CEP85L: variants seen among roughly 807,000 people sequenced by gnomAD.
CEP85L encodes the protein centrosomal protein 85L.
In CEP85L, 60 loss-of-function variants were observed where a neutral mutation model predicts 100.3. The ratio of observed to expected loss-of-function variants is 0.60; its 90% CI spans 0.49 to 0.74. CEP85L has a LOEUF of 0.74. CEP85L is among the 30% of genes least tolerant of loss of function. CEP85L has a pLI of 0.00. For synonymous variants in CEP85L, 319 were observed against 322.7 expected, an observed-to-expected ratio of 0.99 and a Z score of 0.12; for missense variants, 973 against 936.2, an observed-to-expected ratio of 1.04 and a Z score of -0.51.
chr6:118,662,444 C>T lies in CEP85L; in HGVS notation c.-27-9636G>A, dbSNP rs539124469. Among the ~76,000 whole-genome samples the T allele has an allele frequency of 3.3e-5, 5 of 151,694 alleles. No homozygotes were observed. In the South Asian group the frequency reaches 6.3e-4, roughly 19 times the overall value. ...ACTCGGGAGGCTGAGGCAGGAGAATCGCTTGAACCCAGGAGGCGGAGGTTG... is the reference window on the plus strand; with the variant it reads ...ACTCGGGAGGCTGAGGCAGGAGAATTGCTTGAACCCAGGAGGCGGAGGTTG... On this transcript the variant is annotated intron_variant, in intron 1 of 13. Coordinates refer to the CEP85L transcript ENST00000368488.
intron 2 of CEP85L, among the ~76,000 whole-genome samples, chr6:118,602,037 G>A (rs1356826802): frequency 1.3e-5 from 2 of 152,060 alleles, no homozygotes; most frequent in East Asian, 1.9e-4. Context: ...AGGTTCACAC[G>A]CCTCTAACAT....
At chr6:118,586,918 T>A (rs754874268) in intron 2 of CEP85L, among the ~76,000 whole-genome samples, 1 of 152,234 alleles carries the variant, frequency 6.6e-6, no homozygotes, top group Non-Finnish European at 1.5e-5. Flanking sequence ...TCTCAATTAC[T>A]ACTGCATTTT....
rs939368732 is a variant in CEP85L, at chr6:118,539,070, C to T, written c.1021-15150G>A. ...CAAATTTACTACACTATATAACCAGCTTCTACTAAAACAAAGCTATAGTAC... is the reference window on the plus strand; with the variant it reads ...CAAATTTACTACACTATATAACCAGTTTCTACTAAAACAAAGCTATAGTAC... On this transcript the variant is annotated intron_variant, in intron 3 of 12. Coordinates refer to ENST00000368491, the MANE Select transcript of CEP85L (RefSeq NM_001042475.3). Among the ~76,000 whole-genome samples, 6 of 152,174 alleles carry T rather than the reference C, an allele frequency of 3.9e-5. No individual in the cohort carries two copies. The East Asian group carries it at 1.2e-3, about 29-fold the overall frequency.
At chr6:118,688,599 C>T (rs1230855891) in intron 1 of CEP85L, among the ~76,000 whole-genome samples, 1 of 152,168 alleles carries the variant, frequency 6.6e-6, no homozygotes. Flanking sequence ...TTCGAATAAA[C>T]CTTTTGCAGT....
chr6:118,610,489 T>C (rs1772536681), intron 2 of CEP85L, among the ~76,000 whole-genome samples: 1 of 152,142 alleles, frequency 6.6e-6, no homozygotes, highest in African/African-American at 2.4e-5. Flanking sequence ...ACTTTCACCA[T>C]CACTGAGTAG....
chr6:118,674,856 T>C (rs1776431481), intron 1 of CEP85L, among the ~76,000 whole-genome samples: 1 of 152,206 alleles, frequency 6.6e-6, no homozygotes, highest in South Asian at 2.1e-4. Flanking sequence ...CATACACTGC[T>C]GGTGGAAATG....
chr6:118,501,774 C>T, intron 5 of CEP85L: 1 of 948,726 alleles, frequency 1.1e-6, no homozygotes, highest in Non-Finnish European at 1.7e-6. Context: ...ACAGAACAGA[C>T]ATCTCACAGA....
chr6:118,609,998 CA>C (rs1307161913), intron 2 of CEP85L, among the ~76,000 whole-genome samples: 2 of 147,538 alleles, frequency 1.4e-5, no homozygotes, highest in Non-Finnish European at 1.5e-5. Flanking sequence ...AAGAGAGACG[CA>C]AAAAAAAATA....
chr6:118,521,747 G>A (rs1183395079), intron 4 of CEP85L, among the ~76,000 whole-genome samples: 5 of 152,090 alleles, frequency 3.3e-5, no homozygotes, highest in Non-Finnish European at 5.9e-5. Context: ...AACATGTGGA[G>A]TAAGACAAGC....
chr6:118,686,684 G>A (rs1300509069), intron 1 of CEP85L, among the ~76,000 whole-genome samples: 1 of 152,190 alleles, frequency 6.6e-6, no homozygotes, highest in Non-Finnish European at 1.5e-5. Context: ...ACACTTGTGT[G>A]TTGAGGTCTT....
chr6:118,610,109 A>C (rs1057122317), intron 2 of CEP85L, among the ~76,000 whole-genome samples: 13 of 152,228 alleles, frequency 8.5e-5, no homozygotes, highest in Admixed American at 2.0e-4. Context: ...TCATCACCAC[A>C]CATAGAGTTA....
At chr6:118,594,442 TAAG>T (rs1230776233) in intron 2 of CEP85L, among the ~76,000 whole-genome samples, 1 of 152,150 alleles carries the variant, frequency 6.6e-6, no homozygotes, top group Non-Finnish European at 1.5e-5. Flanking sequence ...GTTAATTAGA[TAAG>T]AAAATTATCT....
At chr6:118,651,697 C>T (rs1471250196), upstream of CEP85L, 6 of 108,568 alleles carry the variant, frequency 5.5e-5, no homozygotes, top group African/African-American at 1.2e-3. Context: ...GCGGGGACTG[C>T]GGGGGGCGGG....
intron 2 of CEP85L, among the ~76,000 whole-genome samples, chr6:118,600,250 A>G (rs1330640424): frequency 6.9e-6 from 1 of 145,178 alleles, no homozygotes; most frequent in Admixed American, 6.9e-5. Flanking sequence ...TTACTATACA[A>G]TGCAGAGAAC....
intron 1 of CEP85L, among the ~76,000 whole-genome samples, chr6:118,694,642 T>A (rs138058545): frequency 1.3e-5 from 2 of 152,260 alleles, no homozygotes; most frequent in East Asian, 3.9e-4. Flanking sequence ...AAATTCTAAG[T>A]GAAAGCAAGC....
intron 1 of CEP85L, among the ~76,000 whole-genome samples, chr6:118,644,293 A>T (rs892397527): frequency 6.6e-6 from 1 of 151,340 alleles, no homozygotes; most frequent in Admixed American, 6.6e-5. Context: ...GCTCCTTCTC[A>T]GTGTCTTTGG....
intron 5 of CEP85L, among the ~76,000 whole-genome samples, chr6:118,494,492 T>A (rs1699120422): frequency 2.0e-5 from 3 of 152,134 alleles, no homozygotes; most frequent in African/African-American, 7.2e-5. Flanking sequence ...ACTCCAGCCT[T>A]CCACATAGAG....
chr6:118,677,256 T>G (rs187730462), intron 1 of CEP85L, among the ~76,000 whole-genome samples: 132 of 152,230 alleles, frequency 8.7e-4, no homozygotes, highest in Non-Finnish European at 1.0e-3. Context: ...AGGAGACAGA[T>G]AGAAAGTAAG....
intron 2 of CEP85L, among the ~76,000 whole-genome samples, chr6:118,602,924 G>A (rs906463473): frequency 3.8e-4 from 57 of 151,672 alleles, no homozygotes; most frequent in Admixed American, 1.6e-3. Flanking sequence ...ACGTTCAAAC[G>A]ATTCTCCTAC....
Sources: allele counts gnomAD v4.1 joint callset (sites outside exome capture counted in the v4.1 genomes callset), GRCh38; gene constraint gnomAD v4.1.1; transcripts MANE v1.5; gene names NCBI Gene and HGNC (gene_info 2026-07-23, HGNC 2026-07-21).